Variants in RHOBTB1 observed in about 807,000 individuals in gnomAD.
The protein encoded by RHOBTB1 is Rho related BTB domain containing 1.
Under a neutral mutation model 71.6 loss-of-function variants are expected in RHOBTB1, and 40 were observed. That is an observed-to-expected ratio of 0.56 (90% CI 0.43 to 0.73). The LOEUF is 0.73. RHOBTB1 is among the 30% of genes least tolerant of loss of function. The pLI, the probability that RHOBTB1 is intolerant of heterozygous loss-of-function variation, is 0.00. For missense variants in RHOBTB1, 797 were observed against 894.0 expected (o/e 0.89, Z 1.38); for synonymous variants, 319 against 334.9 (o/e 0.95, Z 0.52).
chr10:60,884,706 T>C (rs2081485591), intron 7 of RHOBTB1, among the ~76,000 whole-genome samples: 1 of 152,104 alleles, frequency 6.6e-6, no homozygotes, highest in African/African-American at 2.4e-5. Context: ...ACCTAAAGGA[T>C]ATTATGTTAA....
chr10:60,949,001 G>A (rs1438197332), upstream of RHOBTB1, among the ~76,000 whole-genome samples: 2 of 152,226 alleles, frequency 1.3e-5, no homozygotes, highest in Non-Finnish European at 2.9e-5. Context: ...AATGAGGTCA[G>A]TCTGGACAGC....
chr10:60,931,321 A>G (rs973276508), intron 2 of RHOBTB1, among the ~76,000 whole-genome samples: 12 of 152,178 alleles, frequency 7.9e-5, no homozygotes, highest in African/African-American at 2.9e-4. Context: ...CCTTGTGCCC[A>G]CTAGCAGTCA....
chr10:60,972,746 C>T (rs921373409), intron 2 of RHOBTB1, among the ~76,000 whole-genome samples: 4 of 152,042 alleles, frequency 2.6e-5, no homozygotes, highest in Admixed American at 2.6e-4. Flanking sequence ...GTATGATCAT[C>T]AGCTTAGCAC....
At chr10:60,981,292 A>G (rs1178830521) in intron 2 of RHOBTB1, among the ~76,000 whole-genome samples, 1 of 152,202 alleles carries the variant, frequency 6.6e-6, no homozygotes, top group Non-Finnish European at 1.5e-5. Flanking sequence ...TCAAAATAAT[A>G]AAGATGATGA....
chr10:60,934,438 G>T (rs1358913294), intron 2 of RHOBTB1, among the ~76,000 whole-genome samples: 1 of 152,128 alleles, frequency 6.6e-6, no homozygotes. Flanking sequence ...GGATACACCT[G>T]TTGAATGCTA....
intron 6 of RHOBTB1, among the ~76,000 whole-genome samples, chr10:60,887,621 A>T (rs2081649847): frequency 6.6e-6 from 1 of 152,226 alleles, no homozygotes; most frequent in East Asian, 1.9e-4. Context: ...GTGCAGGGCC[A>T]AGGAGCATGA....
chr10:60,878,129 G>T, intron 7 of RHOBTB1, 71 bp from the exon 8 acceptor site: 1 of 1,230,738 alleles, frequency 8.1e-7, no homozygotes, highest in Non-Finnish European at 1.2e-6. Context: ...AGGCTATGCT[G>T]CTTATAAATA....
At chr10:61,001,395 C>G (rs1396809554) in intron 1 of RHOBTB1, 1 of 151,786 alleles carries the variant, frequency 6.6e-6, no homozygotes, top group African/African-American at 2.4e-5. Flanking sequence ...GACGCCCGCG[C>G]TACCTGGGGA....
chr10:60,952,237 C>G (rs1394166858), intron 2 of RHOBTB1, among the ~76,000 whole-genome samples: 1 of 152,138 alleles, frequency 6.6e-6, no homozygotes, highest in Non-Finnish European at 1.5e-5. Context: ...ACTGTGATCA[C>G]TGTCAACACT....
intron 2 of RHOBTB1, among the ~76,000 whole-genome samples, chr10:60,958,745 T>A (rs186815735): frequency 3.9e-5 from 6 of 151,988 alleles, no homozygotes. Flanking sequence ...GGATTACAGG[T>A]GTGCACCACC....
chr10:60,926,535 A>T (rs1037127801), intron 2 of RHOBTB1, among the ~76,000 whole-genome samples: 1 of 152,238 alleles, frequency 6.6e-6, no homozygotes, highest in African/African-American at 2.4e-5. Flanking sequence ...ATTCATCATG[A>T]TCAAGTGAAA....
chr10:60,948,350 T>C (rs1406808702), upstream of RHOBTB1, among the ~76,000 whole-genome samples: 1 of 152,230 alleles, frequency 6.6e-6, no homozygotes, highest in Non-Finnish European at 1.5e-5. Flanking sequence ...AGTACTTACA[T>C]AAAACTCCTA....
chr10:61,001,270 G>C (rs1254861251), intron 1 of RHOBTB1: 1 of 152,136 alleles, frequency 6.6e-6, no homozygotes, highest in African/African-American at 2.4e-5. Flanking sequence ...CCAAGCTCTC[G>C]CGTCCCCATG....
At chr10:60,998,228 T>G (rs370233725) in intron 1 of RHOBTB1, among the ~76,000 whole-genome samples, 1 of 152,196 alleles carries the variant, frequency 6.6e-6, no homozygotes, top group African/African-American at 2.4e-5. Flanking sequence ...GATGCTTCAT[T>G]TAGGCTTTCC....
chr10:60,921,033 T>C (rs1470263496), intron 2 of RHOBTB1, among the ~76,000 whole-genome samples: 1 of 151,366 alleles, frequency 6.6e-6, no homozygotes, highest in African/African-American at 2.4e-5. Flanking sequence ...CACTGCGACC[T>C]CTGCCTCCTG....
chr10:60,990,644 A>G (rs1346135275), intron 1 of RHOBTB1, among the ~76,000 whole-genome samples: 1 of 152,130 alleles, frequency 6.6e-6, no homozygotes, highest in Non-Finnish European at 1.5e-5. Flanking sequence ...CCCATGACCC[A>G]GGAATCCCTG....
chr10:60,972,781 A>G (rs960523333), intron 2 of RHOBTB1, among the ~76,000 whole-genome samples: 1 of 152,114 alleles, frequency 6.6e-6, no homozygotes, highest in Non-Finnish European at 1.5e-5. Flanking sequence ...GGTGGATTAA[A>G]TGGCAAGCTC....
chr10:60,983,257 A>G (rs1402734270), intron 2 of RHOBTB1, among the ~76,000 whole-genome samples: 2 of 152,232 alleles, frequency 1.3e-5, no homozygotes, highest in South Asian at 4.1e-4. Context: ...GGGCTATTCC[A>G]GTGAAAATGA....
intron 4 of RHOBTB1, among the ~76,000 whole-genome samples, chr10:60,906,932 T>C (rs751748958): frequency 2.0e-5 from 3 of 152,258 alleles, no homozygotes; most frequent in Non-Finnish European, 4.4e-5. Context: ...TGTCGTGATG[T>C]CGTGGGAGGG....
Sources: gnomAD v4.1 joint callset for allele counts (sites outside exome capture counted in the v4.1 genomes callset) on GRCh38, gnomAD v4.1.1 for gene constraint, MANE v1.5 for transcripts, NCBI Gene and HGNC (gene_info 2026-07-23, HGNC 2026-07-21) for gene names.